The following PLEKHG3 variants were observed in gnomAD, a reference collection of about 807,000 sequenced individuals.
PLEKHG3 encodes the protein pleckstrin homology and RhoGEF domain containing G3.
In PLEKHG3, 62 loss-of-function variants were observed where a neutral mutation model predicts 94.9. The ratio of observed to expected loss-of-function variants is 0.65; its 90% CI spans 0.53 to 0.81. The LOEUF is 0.81. Ranked by LOEUF, PLEKHG3 falls within the 30% of genes least tolerant of loss-of-function variation. The probability of loss-of-function intolerance (pLI) is 0.00; values close to 1 mark genes in which losing one functional copy is unlikely to be tolerated. For missense variants in PLEKHG3, 1,461 were observed against 1,619.3 expected (o/e 0.90, Z 1.68); for synonymous variants, 614 against 654.0 (o/e 0.94, Z 0.93).
At chr14:64,737,043 C>T (rs775624376) in intron 13 of PLEKHG3, 152 bp downstream of exon 13, 1 of 721,494 alleles carries the variant, frequency 1.4e-6, no homozygotes, top group South Asian at 1.6e-5. Context: ...AGAAGAGGGC[C>T]TCGCCCCTGG....
In PLEKHG3 at chr14:64,707,764, C is replaced by G. The variant is rs144278738; in HGVS notation, c.-40+3060C>G. On this transcript the variant is annotated intron_variant, in intron 1 of 16. Coordinates refer to ENST00000247226, the MANE Select transcript of PLEKHG3 (RefSeq NM_001308147.2). ...TTCATCCCACTGTGGCATCGAGGAA[C>G]AGAGTTTGGAGTTGGACACACCTTG... Among the ~76,000 whole-genome samples, 12 of 152,344 alleles carry G rather than the reference C, an allele frequency of 7.9e-5. No individual in the cohort carries two copies. The East Asian group carries it at 2.3e-3, about 29-fold the overall frequency.
rs1248475099 is a variant in PLEKHG3, at chr14:64,731,858, C to T, written c.1125+52C>T. Reference sequence around the variant, plus strand: ...TAGGGAACAAGATGCCCAGGGGACACCTGCGTGGGACTCCTGGCTCCTCTG... The same window carrying T: ...TAGGGAACAAGATGCCCAGGGGACATCTGCGTGGGACTCCTGGCTCCTCTG... On this transcript the variant is annotated intron_variant, in intron 9 of 16. Coordinates refer to ENST00000247226, the MANE Select transcript of PLEKHG3 (RefSeq NM_001308147.2). This position sits in a 1 kb window ranked among gnomAD's most constrained non-coding sequence, Gnocchi z 6.1. 1 of 1,310,348 alleles carries T rather than the reference C, an allele frequency of 7.6e-7. No individual in the cohort carries two copies. Among genetic ancestry groups the T allele is most frequent in the Non-Finnish European group, 1.1e-6 (1 of 907,278 alleles). 81.2% of individuals were successfully genotyped at this position (1,310,348 alleles called of 1,614,324 possible).
rs2081902083 is a variant in PLEKHG3 at position 64,749,238 on chromosome 14, G to A, written c.*5535G>A. The A allele has an allele frequency of 3.3e-6, 5 of 1,520,344 alleles. No individual in the cohort carries two copies. The highest frequency in any genetic ancestry group is 4.4e-6 in the Non-Finnish European group (5 of 1,133,954). The allele number at this position is 1,520,344 out of a possible 1,614,324, so 94.2% of individuals were successfully genotyped here. A position where few individuals can be genotyped will look rare whatever the true frequency, so the allele number is the denominator to read the frequency against. ...ATTCGACCGGCGGGCGGCGGCGAGA[G>A]GAGGCCAAGGCCTGGGCTGCCCGGT... On this transcript the variant is annotated 3_prime_UTR_variant, in exon 17 of 17. Transcript: ENST00000247226. This position sits in a 1 kb window ranked among gnomAD's most constrained non-coding sequence, Gnocchi z 4.7.
rs1184623690 is a variant in PLEKHG3 at position 64,727,192 on chromosome 14, C to T, written c.-39-401C>T. On this transcript the variant is annotated intron_variant, in intron 1 of 16. Transcript: ENST00000247226. This position sits in a 1 kb window ranked among gnomAD's most constrained non-coding sequence, Gnocchi z 6.0. ...CTCTGAGGGACTAAGTACTGTGCCC[C>T]AGCAGTGGGGCTGGGCTGTGAATTC... 6.6e-6 allele frequency among the ~76,000 whole-genome samples: 1 copy of T among 152,116 alleles called. No homozygotes were observed. The highest frequency in any genetic ancestry group is 2.4e-5 in the African/African-American group (1 of 41,406).
Position 64,731,224 on chromosome 14 carries a change from C to A in PLEKHG3, c.849+55C>A. On this transcript the variant is annotated intron_variant, in intron 7 of 16. Transcript: ENST00000247226. This position sits in a 1 kb window ranked among gnomAD's most constrained non-coding sequence, Gnocchi z 6.1. ...GGCAGGGCTGGGTGGGCCAGGCTTCCGCTGGGAAGAGGGACTGTGGCCACC... is the reference window on the plus strand; with the variant it reads ...GGCAGGGCTGGGTGGGCCAGGCTTCAGCTGGGAAGAGGGACTGTGGCCACC... 2 of 1,537,724 alleles carry A rather than the reference C, an allele frequency of 1.3e-6. No homozygotes were observed. The highest frequency in any genetic ancestry group is 1.8e-6 in the Non-Finnish European group (2 of 1,121,490).
intron 1 of PLEKHG3, among the ~76,000 whole-genome samples, chr14:64,711,895 C>A (rs944032887): frequency 2.0e-5 from 3 of 152,162 alleles, no homozygotes; most frequent in Non-Finnish European, 4.4e-5. Flanking sequence ...TTTGGTGTTA[C>A]ACCTAAGAAA....
chr14:64,743,189 A>G lies in PLEKHG3; in HGVS notation c.3146A>G (p.Asp1049Gly), dbSNP rs770633418. 3.7e-6 allele frequency: 6 copies of G among 1,610,024 alleles called. No homozygotes were observed. The South Asian group carries it at 6.6e-5, about 18-fold the overall frequency. Reference sequence around the variant, plus strand: ...CCCACAGAGACCTTCAGCTGGCCCGACGTCCGTGAGCTCTGCTCCAAGTAT... The same window carrying G: ...CCCACAGAGACCTTCAGCTGGCCCGGCGTCCGTGAGCTCTGCTCCAAGTAT... ...LSPTETFSWPDVRELCSKYAS... is the reference protein window; with the variant it reads ...LSPTETFSWPGVRELCSKYAS... The change falls in exon 17 of 17, where the codon GAC (aspartate) becomes GGC (glycine). Residue 1049 changes from aspartate to glycine, a missense_variant. Asp to Gly is a moderately conservative substitution (Grantham distance 94). This residue lies in a region of PLEKHG3 where 1,201 missense variants were observed against 1,295.5 expected (regional missense o/e 0.93). Coordinates refer to ENST00000247226, the MANE Select transcript of PLEKHG3 (RefSeq NM_001308147.2). This position sits in a 1 kb window ranked among gnomAD's most constrained non-coding sequence, Gnocchi z 7.2.
chr14:64,749,161 T>TTGCA lies in PLEKHG3; in HGVS notation c.*5459_*5462dup. The TTGCA allele has an allele frequency of 1.0e-6, 1 of 956,040 alleles. No individual in the cohort carries two copies. Among genetic ancestry groups the TTGCA allele is most frequent in the Non-Finnish European group, 1.5e-6 (1 of 658,044 alleles). The allele number at this position is 956,040 out of a possible 1,614,324, so 59.2% of individuals were successfully genotyped here. A position where few individuals can be genotyped will look rare whatever the true frequency, so the allele number is the denominator to read the frequency against. On this transcript the variant is annotated 3_prime_UTR_variant, in exon 17 of 17. Coordinates refer to ENST00000247226, the MANE Select transcript of PLEKHG3 (RefSeq NM_001308147.2). This position sits in a 1 kb window ranked among gnomAD's most constrained non-coding sequence, Gnocchi z 4.7. ...CAGGACACGCGGGCGAAGGCAGCTT[T>TTGCA]TGCAGTGCAGCGTGGGGCCCGGGGG...
Position 64,742,316 on chromosome 14 carries a change from C to T in PLEKHG3, c.2799C>T (p.Tyr933=). ...KNKVYQLARQ[Y]SLRIKSNKPV... ...AGGTCTACCAGCTGGCCCGCCAGTA[C>T]AGCCTCCGGATCAAGAGCAACAAGC... Residue 933 remains tyrosine (Y), a synonymous_variant, in exon 16 of 17, where the codon TAC becomes TAT. Transcript: ENST00000247226. 1 of 1,613,068 alleles carries T rather than the reference C, an allele frequency of 6.2e-7. No individual in the cohort carries two copies. Among genetic ancestry groups the T allele is most frequent in the Non-Finnish European group, 8.5e-7 (1 of 1,180,030 alleles).
rs2081408124 is a variant in PLEKHG3, at chr14:64,729,113, A to G, written c.449+20A>G. 6.8e-6 allele frequency: 8 copies of G among 1,172,080 alleles called. No homozygotes were observed. Among genetic ancestry groups the G allele is most frequent in the Middle Eastern group, 2.0e-4 (1 of 5,050 alleles). The allele number at this position is 1,172,080 out of a possible 1,614,324, so 72.6% of individuals were successfully genotyped here. Reference sequence around the variant, plus strand: ...GAACAGGTGTGTGAATGGGCCTGACACTCACCATGTTCTGCCTGCGAGGCC... The same window carrying G: ...GAACAGGTGTGTGAATGGGCCTGACGCTCACCATGTTCTGCCTGCGAGGCC... On this transcript the variant is annotated intron_variant, in intron 3 of 16. Coordinates refer to ENST00000247226, the MANE Select transcript of PLEKHG3 (RefSeq NM_001308147.2).
At position 64,731,003 on chromosome 14, in the gene PLEKHG3, G is replaced by T; in HGVS notation, c.718-35G>T. 1 of 1,613,880 alleles carries T rather than the reference G, an allele frequency of 6.2e-7. No homozygotes were observed. Among genetic ancestry groups the T allele is most frequent in the Non-Finnish European group, 8.5e-7 (1 of 1,180,028 alleles). ...GGGCCTGGGGAGGGCAGGGCCTTCG[G>T]GTCAGGGGCACCTAAGCGTCTATCT... On this transcript the variant is annotated intron_variant, in intron 6 of 16. Transcript: ENST00000247226. This position sits in a 1 kb window ranked among gnomAD's most constrained non-coding sequence, Gnocchi z 6.1.
intron 1 of PLEKHG3, among the ~76,000 whole-genome samples, chr14:64,707,437 C>T (rs1436619236): frequency 6.6e-6 from 1 of 152,196 alleles, no homozygotes; most frequent in Non-Finnish European, 1.5e-5. Flanking sequence ...GGAGTTAGCA[C>T]CTACTATGTA....
chr14:64,730,681 T>TA lies in PLEKHG3; in HGVS notation c.560dup (p.Tyr187Ter). Residue 187 changes from tyrosine to a stop codon, truncating the protein, a stop_gained and frameshift_variant, in exon 5 of 17, where the codon TAC becomes TAAC. Coordinates refer to ENST00000247226, the MANE Select transcript of PLEKHG3 (RefSeq NM_001308147.2). LOFTEE classifies it high-confidence loss of function. This position sits in a 1 kb window ranked among gnomAD's most constrained non-coding sequence, Gnocchi z 5.4. ...TATCTACACTCAGTATTGCAACAAT[T>TA]ACCCCAAGTGAGTAATTGGGGTGAG... ...FDIYTQYCNN[Y>*]PNSVAALTEC... The TA allele has an allele frequency of 6.2e-7, 1 of 1,612,708 alleles. No individual in the cohort carries two copies. Among genetic ancestry groups the TA allele is most frequent in the African/African-American group, 1.3e-5 (1 of 75,022 alleles).
chr14:64,733,101 G>T lies in PLEKHG3; in HGVS notation c.1345+200G>T, dbSNP rs537507996. 5.1e-4 allele frequency among the ~76,000 whole-genome samples: 77 copies of T among 151,962 alleles called. No individual in the cohort carries two copies. In the South Asian group the frequency reaches 5.2e-3, roughly 10 times the overall value. ...CCACACCAGGTACCCCTGGGCCCTC[G>T]TTGCCTACCAGGTCTGGAGCCCACC... On this transcript the variant is annotated intron_variant, in intron 12 of 16. Transcript: ENST00000247226.
intron 14 of PLEKHG3, among the ~76,000 whole-genome samples, chr14:64,737,664 G>A (rs2081598064): frequency 6.6e-6 from 1 of 152,246 alleles, no homozygotes. Context: ...AGGCAGGCCT[G>A]TTTGGGTTCT....
chr14:64,704,427 CCCT>C lies in PLEKHG3; in HGVS notation c.-315_-313del, dbSNP rs2080940580. On this transcript the variant is annotated 5_prime_UTR_variant, in exon 1 of 17. Coordinates refer to ENST00000247226, the MANE Select transcript of PLEKHG3 (RefSeq NM_001308147.2). This position sits in a 1 kb window ranked among gnomAD's most constrained non-coding sequence, Gnocchi z 5.6. ...TCCCTCGCTCCCTCGCTCCCTCGCTCCCTCGCTCCCTCGCTCCCTCCTGCCCTC... is the reference window on the plus strand; with the variant it reads ...TCCCTCGCTCCCTCGCTCCCTCGCTCCGCTCCCTCGCTCCCTCCTGCCCTC... 6.1e-6 allele frequency: 1 copy of C among 164,410 alleles called. No homozygotes were observed. Among genetic ancestry groups the C allele is most frequent in the Non-Finnish European group, 1.3e-5 (1 of 74,794 alleles). The allele number at this position is 164,410 out of a possible 1,614,324, so 10.2% of individuals were successfully genotyped here.
rs1429326920 is a variant in PLEKHG3 at position 64,738,021 on chromosome 14, G to A, written c.1404+646G>A. ...GGAGGAGGAAGAGCAGGCCTTTCAG[G>A]TCTCTCTGGAGGACCTGACAGGGCA... is the stretch of plus-strand genomic sequence containing the variant. On this transcript the variant is annotated intron_variant, in intron 14 of 16. Transcript: ENST00000247226. The surrounding 1 kb of genome is among the most constrained non-coding windows in gnomAD (Gnocchi z 4.8). 7.8e-7 allele frequency: 1 copy of A among 1,283,516 alleles called. No individual in the cohort carries two copies. Among genetic ancestry groups the A allele is most frequent in the Admixed American group, 2.4e-5 (1 of 42,432 alleles). 79.5% of individuals were successfully genotyped at this position (1,283,516 alleles called of 1,614,324 possible).
In PLEKHG3 at chr14:64,741,231, C is replaced by A. The variant is rs753052892; in HGVS notation, c.1714C>A (p.Leu572Ile). ...DFVAAESTED[L>I]KALSSEEEEE... ...CGTGGCAGCTGAGAGCACTGAGGAC[C>A]TTAAGGCCCTGAGCAGCGAGGAGGA... is the stretch of plus-strand genomic sequence containing the variant. Residue 572 changes from leucine to isoleucine, a missense_variant, in exon 16 of 17, where the codon CTT (leucine) becomes ATT (isoleucine). Leu to Ile is a conservative substitution (Grantham distance 5). Around this residue, in one of 3 missense-constraint regions of PLEKHG3, gnomAD observed 1,201 missense variants for 1,295.5 expected, o/e 0.93. Coordinates refer to ENST00000247226, the MANE Select transcript of PLEKHG3 (RefSeq NM_001308147.2). The A allele has an allele frequency of 1.2e-6, 2 of 1,614,062 alleles. No individual in the cohort carries two copies. The highest frequency in any genetic ancestry group is 2.2e-5 in the South Asian group (2 of 91,084).
rs58480790 is a variant in PLEKHG3, at chr14:64,716,496, AACACACAC to A, written c.-39-11049_-39-11042del. Among the ~76,000 whole-genome samples, 499 of 79,522 alleles carry A rather than the reference AACACACAC, an allele frequency of 6.3e-3. 7 individuals carry two copies. Among genetic ancestry groups the A allele is most frequent in the South Asian group, 0.013 (19 of 1,514 alleles). The allele number at this position is 79,522 out of a possible 152,430, so 52.2% of individuals were successfully genotyped here. On this transcript the variant is annotated intron_variant, in intron 1 of 16. Coordinates refer to ENST00000247226, the MANE Select transcript of PLEKHG3 (RefSeq NM_001308147.2). The surrounding 1 kb of genome is among the most constrained non-coding windows in gnomAD (Gnocchi z 5.0). ...ACACACACACAACACACACACACAC[AACACACAC>A]ACACACACACACACACACACACACA...
Sources: gnomAD v4.1 joint callset for allele counts (sites outside exome capture counted in the v4.1 genomes callset) on GRCh38, gnomAD v4.1.1 for gene constraint, gnomAD v4.1.1 regional missense constraint, Gnocchi (gnomAD v3.1) non-coding constraint, MANE v1.5 for transcripts, NCBI Gene and HGNC (gene_info 2026-07-23, HGNC 2026-07-21) for gene names.